The following PDGFD variants were observed in gnomAD, a reference collection of about 807,000 sequenced individuals.
The protein encoded by PDGFD is platelet derived growth factor D.
A neutral mutation model predicts 44.7 loss-of-function variants in PDGFD; 30 were observed. That is an observed-to-expected ratio of 0.67 (90% CI 0.50 to 0.91). The LOEUF is 0.91. PDGFD is among the 40% of genes least tolerant of loss of function. PDGFD has a pLI of 0.00. For missense variants in PDGFD, 445 were observed against 457.8 expected, an observed-to-expected ratio of 0.97 and a Z score of 0.25; for synonymous variants, 173 against 168.4, an observed-to-expected ratio of 1.03 and a Z score of -0.21.
intron 1 of PDGFD, among the ~76,000 whole-genome samples, chr11:104,025,288 G>A (rs763236405): frequency 9.9e-5 from 15 of 152,182 alleles, no homozygotes; most frequent in Non-Finnish European, 1.8e-4. Context: ...ACACCAAAAT[G>A]GAACCTTGAC....
intron 1 of PDGFD, among the ~76,000 whole-genome samples, chr11:104,062,150 G>A (rs1314390535): frequency 6.6e-6 from 1 of 152,218 alleles, no homozygotes; most frequent in Non-Finnish European, 1.5e-5. Flanking sequence ...TGCAATAGGA[G>A]ATAAAGGGTA....
At chr11:104,006,297 T>C (rs1391375880) in intron 1 of PDGFD, among the ~76,000 whole-genome samples, 3 of 152,362 alleles carry the variant, frequency 2.0e-5, no homozygotes, top group Middle Eastern at 3.4e-3. Context: ...AAGGTGATTC[T>C]GATGCACCCT....
At position 104,162,266 on chromosome 11, in the gene PDGFD, G is replaced by A. The variant is rs568349022; in HGVS notation, c.124+1538C>T. Among the ~76,000 whole-genome samples, 6 of 152,122 alleles carry A rather than the reference G, an allele frequency of 3.9e-5. No homozygotes were observed. The East Asian group carries it at 9.7e-4, about 25-fold the overall frequency. ...CTTGACTTCTTGTAACTGATACTTGGGAGGGTGAGGATTACAAAATTATGG... is the reference window on the plus strand; with the variant it reads ...CTTGACTTCTTGTAACTGATACTTGAGAGGGTGAGGATTACAAAATTATGG... On this transcript the variant is annotated intron_variant, in intron 1 of 6. Coordinates refer to ENST00000393158, the MANE Select transcript of PDGFD (RefSeq NM_025208.5).
At chr11:104,033,205 T>C (rs554412523) in intron 1 of PDGFD, among the ~76,000 whole-genome samples, 10 of 152,044 alleles carry the variant, frequency 6.6e-5, no homozygotes, top group Non-Finnish European at 1.5e-4. Flanking sequence ...TCATGCTGGG[T>C]AAAATGAAAG....
chr11:104,114,028 T>C (rs1861597897), intron 1 of PDGFD, among the ~76,000 whole-genome samples: 1 of 152,094 alleles, frequency 6.6e-6, no homozygotes, highest in Non-Finnish European at 1.5e-5. Context: ...ACAAATATCT[T>C]CTCCCAGTGT....
intron 3 of PDGFD, among the ~76,000 whole-genome samples, chr11:103,971,168 T>G (rs1034708893): frequency 6.6e-6 from 1 of 152,190 alleles, no homozygotes; most frequent in Admixed American, 6.5e-5. Context: ...AGTCATTTAG[T>G]TTTTTTATCT....
chr11:104,073,803 T>C (rs1202260027), intron 1 of PDGFD, among the ~76,000 whole-genome samples: 1 of 152,120 alleles, frequency 6.6e-6, no homozygotes, highest in Non-Finnish European at 1.5e-5. Context: ...TGCAGTTACA[T>C]TGCTGAGGAC....
chr11:103,987,989 T>C (rs1283982266), intron 3 of PDGFD, among the ~76,000 whole-genome samples: 1 of 152,200 alleles, frequency 6.6e-6, no homozygotes, highest in Non-Finnish European at 1.5e-5. Context: ...ATCATTTTCT[T>C]ATTATCCACA....
At chr11:104,098,187 CT>C (rs1168654601) in intron 1 of PDGFD, among the ~76,000 whole-genome samples, 1 of 152,068 alleles carries the variant, frequency 6.6e-6, no homozygotes, top group African/African-American at 2.4e-5. Flanking sequence ...CACCTGGTGC[CT>C]ACTATGTGTA....
At chr11:104,015,107 C>G (rs1385084688) in intron 1 of PDGFD, among the ~76,000 whole-genome samples, 1 of 152,122 alleles carries the variant, frequency 6.6e-6, no homozygotes, top group East Asian at 1.9e-4. Context: ...GCTGGTGAAT[C>G]GCTTCCTCCA....
intron 1 of PDGFD, among the ~76,000 whole-genome samples, chr11:104,034,506 T>A (rs1860185372): frequency 6.6e-6 from 1 of 152,150 alleles, no homozygotes; most frequent in Admixed American, 6.5e-5. Context: ...GGAATAATGG[T>A]GTAACAGTGC....
chr11:104,092,704 A>G (rs982735960), intron 1 of PDGFD, among the ~76,000 whole-genome samples: 8 of 152,316 alleles, frequency 5.3e-5, no homozygotes, highest in African/African-American at 1.9e-4. Flanking sequence ...TGAGAAATAT[A>G]AAGCCTCTTT....
chr11:104,020,891 A>C (rs1859939887), intron 1 of PDGFD, among the ~76,000 whole-genome samples: 2 of 152,240 alleles, frequency 1.3e-5, no homozygotes, highest in African/African-American at 4.8e-5. Flanking sequence ...AAAATCTTGG[A>C]TTAAGGAATA....
At chr11:104,100,093 G>A (rs1259375639) in intron 1 of PDGFD, among the ~76,000 whole-genome samples, 4 of 152,000 alleles carry the variant, frequency 2.6e-5, no homozygotes, top group Admixed American at 1.3e-4. Flanking sequence ...AGGAATGGAA[G>A]GGTTAATCTT....
intron 1 of PDGFD, among the ~76,000 whole-genome samples, chr11:104,014,330 T>C (rs1355903826): frequency 6.6e-6 from 1 of 152,106 alleles, no homozygotes; most frequent in Non-Finnish European, 1.5e-5. Context: ...ACCCCATGTC[T>C]ACTAAAAATA....
intron 1 of PDGFD, among the ~76,000 whole-genome samples, chr11:104,099,450 G>A (rs1178127310): frequency 6.6e-6 from 1 of 151,812 alleles, no homozygotes; most frequent in Admixed American, 6.6e-5. Context: ...GACCAGCCTG[G>A]GCAACATGGT....
At chr11:103,999,703 C>T (rs1156277572) in intron 2 of PDGFD, among the ~76,000 whole-genome samples, 1 of 152,178 alleles carries the variant, frequency 6.6e-6, no homozygotes, top group Non-Finnish European at 1.5e-5. Context: ...AGGCTTTGAC[C>T]ACACATGATG....
intron 6 of PDGFD, among the ~76,000 whole-genome samples, chr11:103,916,450 G>A (rs1239542964): frequency 6.6e-6 from 1 of 152,214 alleles, no homozygotes. Flanking sequence ...AAATGCTGGA[G>A]AGGATGTGGA....
intron 3 of PDGFD, among the ~76,000 whole-genome samples, chr11:103,959,277 C>G (rs769944989): frequency 5.3e-5 from 8 of 152,128 alleles, no homozygotes; most frequent in Non-Finnish European, 8.8e-5. Context: ...GCACTATGGG[C>G]CATACTGAAT....
Sources: allele counts gnomAD v4.1 joint callset (sites outside exome capture counted in the v4.1 genomes callset), GRCh38; gene constraint gnomAD v4.1.1; transcripts MANE v1.5; gene names NCBI Gene and HGNC (gene_info 2026-07-23, HGNC 2026-07-21).